KLF8: variants seen among roughly 807,000 people sequenced by gnomAD.
KLF8 encodes KLF transcription factor 8.
KLF8 carries 10 observed loss-of-function variants against 18.2 expected under a neutral mutation model. The ratio of observed to expected loss-of-function variants is 0.55; its 90% CI spans 0.34 to 0.93. The LOEUF is 0.93. KLF8 is among the 40% of genes least tolerant of loss of function. The pLI is 0.02. For missense variants in KLF8, 264 were observed against 277.9 expected (o/e 0.95, Z 0.36); for synonymous variants, 109 against 97.3 (o/e 1.12, Z -0.71).
the KLF8 span, among the ~76,000 whole-genome samples, chrX:56,221,684 C>T: frequency 4.1e-4 from 45 of 111,055 alleles, no homozygotes; most frequent in East Asian, 0.01. Flanking sequence ...CGTTCCTCCC[C>T]GGTGGGTTCG....
chrX:56,041,406 C>T, the KLF8 span, among the ~76,000 whole-genome samples: 2 of 111,065 alleles, frequency 1.8e-5, no homozygotes, highest in African/African-American at 3.3e-5. Context: ...TGAGCCACCT[C>T]GCCCAACCCT....
At chrX:56,136,521 T>C in the KLF8 span, among the ~76,000 whole-genome samples, 1 of 111,830 alleles carries the variant, frequency 8.9e-6, no homozygotes, top group Non-Finnish European at 1.9e-5. Context: ...CCCTGTTTAA[T>C]AAATGGTGCT....
chrX:56,073,353 T>A, the KLF8 span, among the ~76,000 whole-genome samples: 2 of 112,217 alleles, frequency 1.8e-5, no homozygotes, highest in Non-Finnish European at 3.8e-5. Context: ...TATGGCTGAA[T>A]AATATTCCAT....
the KLF8 span, among the ~76,000 whole-genome samples, chrX:55,988,508 T>G: frequency 4.2e-4 from 46 of 109,534 alleles, no homozygotes; most frequent in African/African-American, 1.2e-3. Context: ...GATCAGATAG[T>G]TGTAGATATG....
chrX:55,942,039 G>A, the KLF8 span, among the ~76,000 whole-genome samples: 1 of 111,347 alleles, frequency 9.0e-6, no homozygotes, highest in Admixed American at 9.6e-5. Flanking sequence ...AGGACTATAA[G>A]TCATGCTGCC....
At chrX:56,184,168 C>T in the KLF8 span, among the ~76,000 whole-genome samples, 7 of 112,353 alleles carry the variant, frequency 6.2e-5, no homozygotes, top group East Asian at 1.7e-3. Context: ...CACTCCCACC[C>T]TAACACTGCG....
chrX:56,060,250 C>T, the KLF8 span, among the ~76,000 whole-genome samples: 1 of 111,864 alleles, frequency 8.9e-6, no homozygotes, highest in African/African-American at 3.3e-5. Flanking sequence ...AGAGGGCATC[C>T]TTGTCTTGTA....
At chrX:56,182,511 G>A in the KLF8 span, among the ~76,000 whole-genome samples, 3 of 112,419 alleles carry the variant, frequency 2.7e-5, no homozygotes, top group Admixed American at 9.4e-5. Context: ...TGTTGCTGGC[G>A]AGGAGCTGTG....
At chrX:56,013,319 A>T in the KLF8 span, among the ~76,000 whole-genome samples, 6 of 112,490 alleles carry the variant, frequency 5.3e-5, no homozygotes, top group African/African-American at 1.9e-4. Flanking sequence ...GCCCCATTGT[A>T]TCTAGAAAGT....
At chrX:55,925,331 G>T in the KLF8 span, among the ~76,000 whole-genome samples, 22 of 109,495 alleles carry the variant, frequency 2.0e-4, no homozygotes, top group African/African-American at 7.3e-4. Flanking sequence ...AGACAAAAGG[G>T]TAAGGGGGCA....
the KLF8 span, among the ~76,000 whole-genome samples, chrX:56,115,434 A>G: frequency 8.9e-6 from 1 of 111,765 alleles, no homozygotes; most frequent in African/African-American, 3.3e-5. Flanking sequence ...GATTTTTGTT[A>G]TTGAGTCTAG....
At chrX:56,041,595 G>C in the KLF8 span, among the ~76,000 whole-genome samples, 1 of 109,841 alleles carries the variant, frequency 9.1e-6, no homozygotes, top group Non-Finnish European at 1.9e-5. Flanking sequence ...GTTAGCTTTG[G>C]GATTTGGCTG....
chrX:55,983,248 T>C, the KLF8 span, among the ~76,000 whole-genome samples: 2 of 111,489 alleles, frequency 1.8e-5, no homozygotes, highest in Non-Finnish European at 3.8e-5. Flanking sequence ...GATGGAATCA[T>C]GTGTATGCAT....
the KLF8 span, among the ~76,000 whole-genome samples, chrX:56,125,929 C>G: frequency 9.0e-6 from 1 of 111,636 alleles, no homozygotes; most frequent in South Asian, 3.8e-4. Context: ...TATAAAGCAC[C>G]CACAGTGCCT....
At chrX:56,151,097 A>G in the KLF8 span, among the ~76,000 whole-genome samples, 2 of 111,375 alleles carry the variant, frequency 1.8e-5, no homozygotes, top group Non-Finnish European at 3.8e-5. Flanking sequence ...TAAGAAGTAT[A>G]AGATAGCTGT....
At chrX:56,180,112 G>A in the KLF8 span, among the ~76,000 whole-genome samples, 2 of 111,280 alleles carry the variant, frequency 1.8e-5, no homozygotes, top group Non-Finnish European at 3.8e-5. Flanking sequence ...CTGTGAATCC[G>A]TCTGATCCTG....
chrX:55,956,928 T>C, the KLF8 span, among the ~76,000 whole-genome samples: 6 of 112,101 alleles, frequency 5.4e-5, no homozygotes, highest in Non-Finnish European at 1.1e-4. Flanking sequence ...ATTTTTGTTT[T>C]GATTTCCTAT....
At chrX:55,993,677 G>A in the KLF8 span, among the ~76,000 whole-genome samples, 9 of 111,568 alleles carry the variant, frequency 8.1e-5, no homozygotes, top group Non-Finnish European at 1.1e-4. Flanking sequence ...TGATAGATTG[G>A]TATCAGCTTT....
chrX:56,120,858 A>G, the KLF8 span, among the ~76,000 whole-genome samples: 1 of 111,492 alleles, frequency 9.0e-6, no homozygotes, highest in Non-Finnish European at 1.9e-5. Flanking sequence ...GCTTCTGAGC[A>G]GGGTGACTGT....
Sources: allele counts gnomAD v4.1 joint callset (sites outside exome capture counted in the v4.1 genomes callset), GRCh38; gene constraint gnomAD v4.1.1; transcripts MANE v1.5; gene names NCBI Gene and HGNC (gene_info 2026-07-23, HGNC 2026-07-21).